The following RICTOR variants were observed in gnomAD, a reference collection of about 807,000 sequenced individuals.
RICTOR encodes rapamycin-insensitive companion of mTOR.
RICTOR carries 49 observed loss-of-function variants against 214.9 expected under a neutral mutation model. That is an observed-to-expected ratio of 0.23 (90% confidence interval 0.18 to 0.29). The LOEUF (loss-of-function observed/expected upper bound fraction) is 0.29, where lower values mean the gene tolerates loss of function less well. Ranked by LOEUF, RICTOR falls within the 10% of genes least tolerant of loss-of-function variation. The pLI, the probability that RICTOR is intolerant of heterozygous loss-of-function variation, is 1.00. For missense variants in RICTOR, 1,625 were observed against 2,047.0 expected (o/e 0.79, Z 3.98); for synonymous variants, 717 against 711.3 (o/e 1.01, Z -0.13).
At chr5:38,971,551 T>TTTG (rs1196398388) in intron 11 of RICTOR, 1 of 159,306 alleles carries the variant, frequency 6.3e-6, no homozygotes, top group Non-Finnish European at 1.3e-5. Flanking sequence ...TTTTGTATTT[T>TTTG]TTTTTTTTTT....
intron 10 of RICTOR, among the ~76,000 whole-genome samples, chr5:38,973,212 C>T (rs1187889068): frequency 2.7e-4 from 41 of 152,046 alleles, no homozygotes. Flanking sequence ...TTTGTCAAAA[C>T]GCATCAAACA....
At chr5:38,986,666 AAC>A (rs1443430944) in intron 7 of RICTOR, among the ~76,000 whole-genome samples, 1 of 152,200 alleles carries the variant, frequency 6.6e-6, no homozygotes, top group Non-Finnish European at 1.5e-5. Context: ...ATCATCTGCA[AAC>A]AGAGACAATT....
intron 9 of RICTOR, among the ~76,000 whole-genome samples, chr5:38,976,812 C>G (rs1036377201): frequency 1.3e-5 from 2 of 152,162 alleles, no homozygotes; most frequent in Non-Finnish European, 2.9e-5. Context: ...TAGCCCCACC[C>G]TCCCAATTCT....
intron 2 of RICTOR, among the ~76,000 whole-genome samples, chr5:39,027,213 C>T (rs1017551412): frequency 1.3e-5 from 2 of 151,948 alleles, no homozygotes; most frequent in Non-Finnish European, 2.9e-5. Flanking sequence ...TAATTACCCC[C>T]AAGGAGATAA....
intron 3 of RICTOR, among the ~76,000 whole-genome samples, chr5:39,006,049 A>G (rs1433524986): frequency 6.6e-6 from 1 of 152,224 alleles, no homozygotes; most frequent in African/African-American, 2.4e-5. Flanking sequence ...GCATCTAGGT[A>G]GGACTCCACC....
At chr5:39,057,817 T>G (rs1758296230) in intron 2 of RICTOR, among the ~76,000 whole-genome samples, 1 of 152,124 alleles carries the variant, frequency 6.6e-6, no homozygotes, top group Non-Finnish European at 1.5e-5. Flanking sequence ...TTTTCCACAC[T>G]TCCAAAGAGT....
rs1368724862 is a variant in RICTOR, at chr5:38,954,757, G to A, written c.2697+17C>T. 1.4e-6 allele frequency: 2 copies of A among 1,412,462 alleles called. No individual in the cohort carries two copies. The highest frequency in any genetic ancestry group is 1.4e-5 in the African/African-American group (1 of 70,256). 87.5% of individuals were successfully genotyped at this position (1,412,462 alleles called of 1,614,324 possible). ...TTACTATTGTAGCTACTTAAAATAAGTGAATTATGTTTTTACCTGTACTTC... is the reference window on the plus strand; with the variant it reads ...TTACTATTGTAGCTACTTAAAATAAATGAATTATGTTTTTACCTGTACTTC... On this transcript the variant is annotated intron_variant, in intron 27 of 37. Coordinates refer to ENST00000357387, the MANE Select transcript of RICTOR (RefSeq NM_152756.5).
intron 2 of RICTOR, among the ~76,000 whole-genome samples, chr5:39,072,890 T>C (rs1390593387): frequency 6.6e-6 from 1 of 152,200 alleles, no homozygotes; most frequent in East Asian, 1.9e-4. Context: ...ACTTTCAGAA[T>C]AAAATATTAA....
intron 34 of RICTOR, 93 bp from the exon 35 acceptor site, chr5:38,945,161 C>T: frequency 1.1e-6 from 1 of 918,048 alleles, no homozygotes; most frequent in Non-Finnish European, 1.6e-6. Flanking sequence ...TATAAAATAA[C>T]ATCTTCTCTA....
intron 7 of RICTOR, among the ~76,000 whole-genome samples, chr5:38,985,715 A>G (rs186915552): frequency 2.1e-5 from 3 of 146,318 alleles, no homozygotes; most frequent in East Asian, 2.0e-4. Context: ...TTTTTTTTTG[A>G]GACGGAGTCT....
chr5:38,982,026 A>C lies in RICTOR; in HGVS notation c.594T>G (p.Asn198Lys), dbSNP rs746904548. ...IAIICELALQ[N>K]PEVVALRGGL... is the part of the protein sequence containing the mutation. ...CACCTCGAAGGGCCACCACCTCTGG[A>C]TTCTGAAGTGCTAAAAGAGAAAAAC... Residue 198 changes from asparagine to lysine, a missense_variant, in exon 8 of 38, where the codon AAT (asparagine) becomes AAG (lysine). Physicochemically the swap from Asn to Lys is moderately conservative, Grantham distance 94. Coordinates refer to ENST00000357387, the MANE Select transcript of RICTOR (RefSeq NM_152756.5). 1 of 1,609,524 alleles carries C rather than the reference A, an allele frequency of 6.2e-7. No individual in the cohort carries two copies. Among genetic ancestry groups the C allele is most frequent in the Admixed American group, 1.7e-5 (1 of 59,914 alleles).
In RICTOR at chr5:39,036,000, A is replaced by G. The variant is rs1401738802; in HGVS notation, c.98-14864T>C. On this transcript the variant is annotated intron_variant, in intron 2 of 37. Transcript: ENST00000357387. ...GATACTCCTCGAGAAGAGCAACTCCAAGACACGTAACTGTCAGATTCACCA... is the reference window on the plus strand; with the variant it reads ...GATACTCCTCGAGAAGAGCAACTCCGAGACACGTAACTGTCAGATTCACCA... Among the ~76,000 whole-genome samples the G allele has an allele frequency of 3.3e-5, 5 of 152,242 alleles. No individual in the cohort carries two copies. The East Asian group carries it at 9.6e-4, about 29-fold the overall frequency.
In RICTOR at chr5:38,985,188, A is replaced by AC. The variant is rs112616272; in HGVS notation, c.584-3153dup. ...GTATCCACAGGGAAATGGTTCTAGG[A>AC]CCCCCGATGATACCAAAATTCTCAG... On this transcript the variant is annotated intron_variant, in intron 7 of 37. Coordinates refer to ENST00000357387, the MANE Select transcript of RICTOR (RefSeq NM_152756.5). Among the ~76,000 whole-genome samples, 145 of 152,140 alleles carry AC rather than the reference A, an allele frequency of 9.5e-4. 1 individual carries two copies. Among genetic ancestry groups the AC allele is most frequent in the African/African-American group, 3.4e-3 (140 of 41,510 alleles).
intron 33 of RICTOR, 32 bp downstream of exon 33, chr5:38,946,436 G>C (rs1408937258): frequency 1.5e-6 from 2 of 1,308,230 alleles, no homozygotes; most frequent in South Asian, 1.2e-5. Context: ...ATATAAAGAG[G>C]CATCTCACAA....
At chr5:38,999,039 A>C (rs1431915736) in intron 5 of RICTOR, among the ~76,000 whole-genome samples, 4 of 148,538 alleles carry the variant, frequency 2.7e-5, no homozygotes, top group Non-Finnish European at 6.0e-5. Flanking sequence ...AAAAAAAAAA[A>C]AAAAAAAAAA....
At chr5:39,014,417 G>A (rs1561533497) in intron 3 of RICTOR, among the ~76,000 whole-genome samples, 2 of 151,944 alleles carry the variant, frequency 1.3e-5, no homozygotes, top group Non-Finnish European at 2.9e-5. Context: ...CAGGGAGGTG[G>A]GTGGGAAGGG....
chr5:38,988,817 G>A lies in RICTOR; in HGVS notation c.583+2132C>T, dbSNP rs564772638. Among the ~76,000 whole-genome samples, 8 of 152,188 alleles carry A rather than the reference G, an allele frequency of 5.3e-5. No individual in the cohort carries two copies. In the South Asian group the frequency reaches 8.3e-4, roughly 16 times the overall value. On this transcript the variant is annotated intron_variant, in intron 7 of 37. Coordinates refer to ENST00000357387, the MANE Select transcript of RICTOR (RefSeq NM_152756.5). Reference sequence around the variant, plus strand: ...AATCCAACTTACAAGGGATGTGAAGGACCTCTTCAAGGAGAACTACAAACC... The same window carrying A: ...AATCCAACTTACAAGGGATGTGAAGAACCTCTTCAAGGAGAACTACAAACC...
At chr5:39,009,719 G>T (rs1754351785) in intron 3 of RICTOR, among the ~76,000 whole-genome samples, 1 of 151,982 alleles carries the variant, frequency 6.6e-6, no homozygotes, top group Admixed American at 6.6e-5. Flanking sequence ...ATTATCCCGA[G>T]CAGTGATTAA....
chr5:39,014,003 CTA>C (rs1754748305), intron 3 of RICTOR, among the ~76,000 whole-genome samples: 1 of 152,064 alleles, frequency 6.6e-6, no homozygotes, highest in South Asian at 2.1e-4. Context: ...TGTATCTTTT[CTA>C]TGTTTAGACA....
Sources: allele counts gnomAD v4.1 joint callset (sites outside exome capture counted in the v4.1 genomes callset), GRCh38; gene constraint gnomAD v4.1.1; transcripts MANE v1.5; gene names NCBI Gene and HGNC (gene_info 2026-07-23, HGNC 2026-07-21).